SEMA6D: variants seen among roughly 807,000 people sequenced by gnomAD.
The protein encoded by SEMA6D is semaphorin 6D.
Under a neutral mutation model 106.6 loss-of-function variants are expected in SEMA6D, and 35 were observed. The ratio of observed to expected loss-of-function variants is 0.33; its 90% CI spans 0.25 to 0.44. The LOEUF (loss-of-function observed/expected upper bound fraction) is 0.44, where lower values mean the gene tolerates loss of function less well. SEMA6D is among the 20% of genes least tolerant of loss of function. The probability of loss-of-function intolerance (pLI) is 1.00; values close to 1 mark genes in which losing one functional copy is unlikely to be tolerated. For missense variants in SEMA6D, 1,185 were observed against 1,345.9 expected, an observed-to-expected ratio of 0.88 and a Z score of 1.87; for synonymous variants, 499 against 487.7, an observed-to-expected ratio of 1.02 and a Z score of -0.31.
intron 4 of SEMA6D, among the ~76,000 whole-genome samples, chr15:47,608,716 A>T (rs964315728): frequency 6.6e-6 from 1 of 152,124 alleles, no homozygotes; most frequent in Non-Finnish European, 1.5e-5. Context: ...CTGGATCCAA[A>T]TTCAACAATA....
chr15:47,624,386 G>A (rs561385877), intron 4 of SEMA6D, among the ~76,000 whole-genome samples: 2 of 152,228 alleles, frequency 1.3e-5, no homozygotes, highest in African/African-American at 4.8e-5. Flanking sequence ...GTTGACCTGA[G>A]AAGCTCTATC....
At chr15:47,274,264 C>A (rs1041154368) in intron 1 of SEMA6D, 8 of 152,092 alleles carry the variant, frequency 5.3e-5, no homozygotes, top group African/African-American at 1.9e-4. Context: ...TCCTCACCCC[C>A]CTACTGAAAC....
intron 4 of SEMA6D, among the ~76,000 whole-genome samples, chr15:47,684,466 G>A (rs1047860674): frequency 6.6e-6 from 1 of 151,918 alleles, no homozygotes; most frequent in Non-Finnish European, 1.5e-5. Flanking sequence ...GTTGAGATAG[G>A]AACTATACTC....
chr15:47,757,163 G>A (rs759064392), intron 1 of SEMA6D, among the ~76,000 whole-genome samples: 4 of 152,126 alleles, frequency 2.6e-5, no homozygotes, highest in Non-Finnish European at 5.9e-5. Context: ...GCTCCTCCCC[G>A]CCCTGCTGTC....
At chr15:47,660,444 T>C (rs2077894865) in intron 4 of SEMA6D, among the ~76,000 whole-genome samples, 1 of 152,094 alleles carries the variant, frequency 6.6e-6, no homozygotes, top group Non-Finnish European at 1.5e-5. Flanking sequence ...TATCTAAGGT[T>C]AAAAAATAAG....
chr15:47,771,603 G>A lies in SEMA6D; in HGVS notation c.3040G>A (p.Gly1014Arg), dbSNP rs1282970265. The A allele has an allele frequency of 6.2e-7, 1 of 1,614,006 alleles. No homozygotes were observed. Among genetic ancestry groups the A allele is most frequent in the African/African-American group, 1.3e-5 (1 of 75,010 alleles). ...TGGGGCGAAGGTGGACTATATTCAG[G>A]GAACACCAGTGAGTGTTCATCTGCA... ...PTGAKVDYIQ[G>R]TPVSVHLQPS... The change falls in exon 19 of 19, where the codon GGA (glycine) becomes AGA (arginine). Residue 1014 changes from glycine to arginine, a missense_variant. By Grantham distance (125) the Gly-to-Arg change is moderately radical. Coordinates refer to ENST00000536845, the MANE Select transcript of SEMA6D (RefSeq NM_001358351.3).
rs539110815 is a variant in SEMA6D, at chr15:47,761,051, A to G, written c.282+13A>G. ...AATACCCAACAAGGTGAGCAACTGTAGTTGGCAAATTTATTTACCTTCCCT... is the reference window on the plus strand; with the variant it reads ...AATACCCAACAAGGTGAGCAACTGTGGTTGGCAAATTTATTTACCTTCCCT... On this transcript the variant is annotated intron_variant, in intron 4 of 18. Coordinates refer to ENST00000536845, the MANE Select transcript of SEMA6D (RefSeq NM_001358351.3). 6 of 1,611,430 alleles carry G rather than the reference A, an allele frequency of 3.7e-6. No homozygotes were observed. In the South Asian group the frequency reaches 6.6e-5, roughly 18 times the overall value.
chr15:47,379,492 A>G (rs760113224), intron 1 of SEMA6D, among the ~76,000 whole-genome samples: 1 of 152,344 alleles, frequency 6.6e-6, no homozygotes, highest in Non-Finnish European at 1.5e-5. Context: ...TAAGAAAAGC[A>G]TATAATACTT....
At chr15:47,704,161 A>G (rs2078868847) in intron 4 of SEMA6D, among the ~76,000 whole-genome samples, 1 of 151,870 alleles carries the variant, frequency 6.6e-6, no homozygotes, top group Admixed American at 6.6e-5. Flanking sequence ...CTTTTTTAAA[A>G]TTTTTGTAGA....
chr15:47,612,714 G>C (rs977387219), intron 4 of SEMA6D, among the ~76,000 whole-genome samples: 1 of 152,032 alleles, frequency 6.6e-6, no homozygotes, highest in African/African-American at 2.4e-5. Context: ...TTAGCACTCA[G>C]ACTTTTATGA....
chr15:47,509,224 T>C (rs953032571), intron 3 of SEMA6D, among the ~76,000 whole-genome samples: 24 of 152,160 alleles, frequency 1.6e-4, no homozygotes, highest in African/African-American at 5.8e-4. Context: ...GGTGTACCTG[T>C]GTGTTTGTGT....
At chr15:47,235,746 G>T (rs140033783) in intron 1 of SEMA6D, among the ~76,000 whole-genome samples, 105 of 152,166 alleles carry the variant, frequency 6.9e-4, no homozygotes, top group African/African-American at 2.2e-3. Context: ...TTGAAGTCAG[G>T]TAATGTGATA....
rs2043503364 is a variant in SEMA6D at position 47,492,440 on chromosome 15, G to A, written c.-87+21895G>A. ...GGAAGTACACATTTCTGAGGCAAAT[G>A]TACAAATTGCTTGTCCCAGCTCTTT... On this transcript the variant is annotated intron_variant, in intron 3 of 19. Transcript: ENST00000558014. Among the ~76,000 whole-genome samples, 4 of 152,134 alleles carry A rather than the reference G, an allele frequency of 2.6e-5. No homozygotes were observed. In the South Asian group the frequency reaches 8.3e-4, roughly 32 times the overall value.
chr15:47,253,248 C>T (rs1290035562), intron 1 of SEMA6D, among the ~76,000 whole-genome samples: 1 of 152,074 alleles, frequency 6.6e-6, no homozygotes, highest in African/African-American at 2.4e-5. Context: ...GTTATACATG[C>T]TGCATGTTAA....
At chr15:47,368,637 T>C (rs557084611) in intron 1 of SEMA6D, among the ~76,000 whole-genome samples, 2 of 152,178 alleles carry the variant, frequency 1.3e-5, no homozygotes, top group African/African-American at 4.8e-5. Flanking sequence ...CGCCCGAAAT[T>C]AGCCTTTATT....
At chr15:47,201,912 T>G (rs951582748) in intron 1 of SEMA6D, among the ~76,000 whole-genome samples, 3 of 152,078 alleles carry the variant, frequency 2.0e-5, no homozygotes, top group African/African-American at 7.2e-5. Flanking sequence ...TCCCACACTT[T>G]GCCTAATAAA....
At chr15:47,394,718 G>A (rs1263659031) in intron 1 of SEMA6D, among the ~76,000 whole-genome samples, 1 of 152,138 alleles carries the variant, frequency 6.6e-6, no homozygotes, top group Non-Finnish European at 1.5e-5. Flanking sequence ...AGTTATAAAT[G>A]ATTGTCTGTC....
At chr15:47,494,782 AT>A (rs1245950219) in intron 3 of SEMA6D, among the ~76,000 whole-genome samples, 3 of 99,454 alleles carry the variant, frequency 3.0e-5, no homozygotes, top group African/African-American at 1.4e-4. Flanking sequence ...ATATATATAT[AT>A]ATATATAATC....
intron 4 of SEMA6D, among the ~76,000 whole-genome samples, chr15:47,621,214 C>T (rs1416023289): frequency 6.6e-6 from 1 of 152,106 alleles, no homozygotes; most frequent in Admixed American, 6.6e-5. Flanking sequence ...AGGTGAGAAC[C>T]CCACCAACTA....
Sources: allele counts gnomAD v4.1 joint callset (sites outside exome capture counted in the v4.1 genomes callset), GRCh38; gene constraint gnomAD v4.1.1; transcripts MANE v1.5; gene names NCBI Gene and HGNC (gene_info 2026-07-23, HGNC 2026-07-21).